BBOX1: variants seen among roughly 807,000 people sequenced by gnomAD.
BBOX1 encodes gamma-butyrobetaine hydroxylase 1.
BBOX1 carries 35 observed loss-of-function variants against 41.6 expected under a neutral mutation model. The observed-to-expected ratio is 0.84, with a 90% confidence interval of 0.64 to 1.11. The LOEUF (loss-of-function observed/expected upper bound fraction) is 1.11, where lower values mean the gene tolerates loss of function less well. Among genes scored for constraint, BBOX1 ranks in the 50% most tolerant of loss-of-function variants. The pLI is 0.00. For synonymous variants in BBOX1, 163 were observed against 154.7 expected (o/e 1.05, Z -0.40); for missense variants, 458 against 460.6 (o/e 0.99, Z 0.05).
At chr11:27,104,943 T>A (rs571497075) in intron 5 of BBOX1, among the ~76,000 whole-genome samples, 14 of 152,338 alleles carry the variant, frequency 9.2e-5, no homozygotes, top group South Asian at 8.3e-4. Flanking sequence ...CAATATTCAC[T>A]GTTCTGCAGC....
intron 4 of BBOX1, among the ~76,000 whole-genome samples, chr11:27,068,997 G>C (rs1857367780): frequency 6.6e-6 from 1 of 152,022 alleles, no homozygotes; most frequent in Admixed American, 6.6e-5. Flanking sequence ...TTTGAAATCA[G>C]TTCAGATGAT....
chr11:27,126,876 A>T (rs1049736394), intron 8 of BBOX1, among the ~76,000 whole-genome samples: 2 of 151,978 alleles, frequency 1.3e-5, no homozygotes, highest in Non-Finnish European at 2.9e-5. Flanking sequence ...GGGTTTCACC[A>T]TGTTAGCCAG....
chr11:27,092,950 G>A (rs1282098260), intron 4 of BBOX1, among the ~76,000 whole-genome samples: 1 of 151,876 alleles, frequency 6.6e-6, no homozygotes, highest in Non-Finnish European at 1.5e-5. Context: ...TACCTGCTAT[G>A]GGCCAGACAC....
chr11:27,082,506 T>C (rs560628261), intron 4 of BBOX1, among the ~76,000 whole-genome samples: 10 of 152,270 alleles, frequency 6.6e-5, no homozygotes, highest in African/African-American at 2.4e-4. Context: ...CTTTCTGATA[T>C]CCTTTGGTGC....
chr11:27,102,780 G>A (rs1277428223), intron 5 of BBOX1, among the ~76,000 whole-genome samples: 1 of 149,850 alleles, frequency 6.7e-6, no homozygotes, highest in Non-Finnish European at 1.5e-5. Context: ...CATGTTGACA[G>A]CAGTTTTAAG....
chr11:27,071,646 A>G (rs1857455086), intron 4 of BBOX1, among the ~76,000 whole-genome samples: 1 of 152,166 alleles, frequency 6.6e-6, no homozygotes, highest in Admixed American at 6.6e-5. Context: ...AATATCCCTG[A>G]TGAACATCGA....
intron 5 of BBOX1, among the ~76,000 whole-genome samples, chr11:27,098,732 A>G (rs1261725180): frequency 6.6e-6 from 1 of 152,086 alleles, no homozygotes; most frequent in Non-Finnish European, 1.5e-5. Flanking sequence ...TATTTACATA[A>G]GCTGATCTGT....
intron 2 of BBOX1, among the ~76,000 whole-genome samples, chr11:27,047,580 T>A (rs1407607189): frequency 2.0e-5 from 3 of 152,142 alleles, no homozygotes; most frequent in African/African-American, 7.2e-5. Context: ...AACACATGAA[T>A]GAATATATTT....
At chr11:27,106,956 A>G (rs191776225) in intron 5 of BBOX1, among the ~76,000 whole-genome samples, 54 of 152,308 alleles carry the variant, frequency 3.5e-4, no homozygotes, top group African/African-American at 1.2e-3. Context: ...ACTCAACTAC[A>G]TGGAAACTGA....
At chr11:27,117,191 C>G (rs947128850) in intron 6 of BBOX1, among the ~76,000 whole-genome samples, 2 of 151,818 alleles carry the variant, frequency 1.3e-5, no homozygotes, top group Non-Finnish European at 2.9e-5. Flanking sequence ...TCTTCAAAGG[C>G]AAATGAAAAT....
At chr11:27,061,012 T>A (rs1034167090) in intron 4 of BBOX1, among the ~76,000 whole-genome samples, 5 of 152,224 alleles carry the variant, frequency 3.3e-5, no homozygotes, top group East Asian at 3.8e-4. Context: ...TGTATTTTTT[T>A]AAATTTATTT....
intron 5 of BBOX1, among the ~76,000 whole-genome samples, chr11:27,094,171 A>T (rs573048537): frequency 3.3e-5 from 5 of 152,104 alleles, no homozygotes; most frequent in Admixed American, 6.6e-5. Context: ...ACTTTGGAAC[A>T]AGAGGCTGTT....
At chr11:27,095,538 T>G (rs796930424) in intron 5 of BBOX1, among the ~76,000 whole-genome samples, 16 of 152,090 alleles carry the variant, frequency 1.1e-4, no homozygotes, top group African/African-American at 3.9e-4. Context: ...CCTAACCAGA[T>G]AAGTTAACCT....
intron 4 of BBOX1, among the ~76,000 whole-genome samples, chr11:27,086,493 C>T (rs180964379): frequency 1.3e-5 from 2 of 152,092 alleles, no homozygotes; most frequent in African/African-American, 2.4e-5. Context: ...AATATTTGTT[C>T]AATAGCTGTT....
At position 27,127,504 on chromosome 11, in the gene BBOX1, A is replaced by G; in HGVS notation, c.*51A>G. Reference sequence around the variant, plus strand: ...GATTCCAATGACCATATTTTGTGAGATATGGCACATTATTCACAGACCATG... The same window carrying G: ...GATTCCAATGACCATATTTTGTGAGGTATGGCACATTATTCACAGACCATG... On this transcript the variant is annotated 3_prime_UTR_variant, in exon 9 of 9. Transcript: ENST00000263182. The G allele has an allele frequency of 3.2e-6, 5 of 1,545,962 alleles. No homozygotes were observed. The highest frequency in any genetic ancestry group is 4.4e-6 in the Non-Finnish European group (5 of 1,143,396).
At chr11:27,068,427 T>C (rs899859492) in intron 4 of BBOX1, among the ~76,000 whole-genome samples, 5 of 152,198 alleles carry the variant, frequency 3.3e-5, no homozygotes, top group Admixed American at 3.3e-4. Flanking sequence ...GTTGTTTTTT[T>C]CTTGCTGATT....
intron 4 of BBOX1, among the ~76,000 whole-genome samples, chr11:27,070,226 T>C (rs920468254): frequency 2.0e-5 from 3 of 152,152 alleles, no homozygotes; most frequent in Non-Finnish European, 2.9e-5. Flanking sequence ...TTAGTAAGAA[T>C]GTGTGTTCTG....
At chr11:27,089,869 T>C (rs1858174890) in intron 4 of BBOX1, among the ~76,000 whole-genome samples, 1 of 152,018 alleles carries the variant, frequency 6.6e-6, no homozygotes, top group African/African-American at 2.4e-5. Flanking sequence ...CCAAATGACC[T>C]TTCTAGTTAG....
chr11:27,077,633 A>C (rs1333139670), intron 4 of BBOX1, among the ~76,000 whole-genome samples: 4 of 132,742 alleles, frequency 3.0e-5, no homozygotes, highest in African/African-American at 5.9e-5. Context: ...AAAAAAAAAA[A>C]CCAAAAAAAC....
Sources: allele counts gnomAD v4.1 joint callset (sites outside exome capture counted in the v4.1 genomes callset), GRCh38; gene constraint gnomAD v4.1.1; transcripts MANE v1.5; gene names NCBI Gene and HGNC (gene_info 2026-07-23, HGNC 2026-07-21).